Variants in ZRANB3 observed in about 807,000 individuals in gnomAD.
ZRANB3 encodes zinc finger RANBP2-type containing 3.
Under a neutral mutation model 133.8 loss-of-function variants are expected in ZRANB3, and 125 were observed. The observed-to-expected ratio is 0.93, with a 90% confidence interval of 0.81 to 1.08. ZRANB3 has a LOEUF of 1.08. ZRANB3 is among the 50% of genes least tolerant of loss of function. The probability of loss-of-function intolerance (pLI) is 0.00; values close to 1 mark genes in which losing one functional copy is unlikely to be tolerated. For synonymous variants in ZRANB3, 387 were observed against 432.7 expected (o/e 0.89, Z 1.31); for missense variants, 1,229 against 1,275.5 (o/e 0.96, Z 0.56).
At position 135,228,317 on chromosome 2, in the gene ZRANB3, T is replaced by G. The variant is rs573571145; in HGVS notation, c.1955-302A>C. 2.1e-3 allele frequency: 443 copies of G among 206,230 alleles called. 2 individuals carry two copies. The highest frequency in any genetic ancestry group is 8.2e-3 in the African/African-American group (344 of 42,128). 12.8% of individuals were successfully genotyped at this position (206,230 alleles called of 1,614,324 possible). On this transcript the variant is annotated intron_variant, in intron 13 of 20. Coordinates refer to ENST00000264159, the MANE Select transcript of ZRANB3 (RefSeq NM_032143.4). ...AGAGAACACAACTAAGTTTTGTTTT[T>G]TTTTTTTTTTCAGTAAGAAGGTTTT...
chr2:135,326,398 A>G (rs1683825674), intron 6 of ZRANB3, among the ~76,000 whole-genome samples: 1 of 152,168 alleles, frequency 6.6e-6, no homozygotes, highest in African/African-American at 2.4e-5. Context: ...TAATGCAATT[A>G]ATTTTAATTT....
chr2:135,522,321 G>A (rs897570274), intron 1 of ZRANB3, among the ~76,000 whole-genome samples: 1 of 152,104 alleles, frequency 6.6e-6, no homozygotes, highest in East Asian at 1.9e-4. Flanking sequence ...AAATTGGGTG[G>A]AGGCCAACAG....
intron 17 of ZRANB3, among the ~76,000 whole-genome samples, chr2:135,209,442 C>A (rs1158964625): frequency 6.6e-6 from 1 of 152,148 alleles, no homozygotes; most frequent in Non-Finnish European, 1.5e-5. Context: ...TTTGGGTAAA[C>A]TGAGTTTCTT....
chr2:135,329,299 T>A (rs1266734266), intron 6 of ZRANB3, among the ~76,000 whole-genome samples: 1 of 152,290 alleles, frequency 6.6e-6, no homozygotes, highest in Middle Eastern at 3.4e-3. Context: ...TTTTCGAGCA[T>A]CATTTATTAA....
At chr2:135,435,328 C>A in intron 2 of ZRANB3, among the ~76,000 whole-genome samples, 1 of 152,136 alleles carries the variant, frequency 6.6e-6, no homozygotes, top group East Asian at 1.9e-4. Context: ...TGATCTTGTT[C>A]TTTTTTATGG....
chr2:135,340,741 A>C (rs1684611315), intron 6 of ZRANB3, among the ~76,000 whole-genome samples: 1 of 152,080 alleles, frequency 6.6e-6, no homozygotes, highest in African/African-American at 2.4e-5. Context: ...CTGTAATCTC[A>C]GCTACTCGGG....
At chr2:135,228,189 A>G (rs1694835284) in intron 13 of ZRANB3, 174 bp from the exon 14 acceptor site, 2 of 550,258 alleles carry the variant, frequency 3.6e-6, no homozygotes, top group Non-Finnish European at 3.1e-6. Context: ...CTGAAGAGAC[A>G]GCAGGAACAG....
chr2:135,323,298 G>A (rs548920272), intron 6 of ZRANB3, among the ~76,000 whole-genome samples: 1 of 152,272 alleles, frequency 6.6e-6, no homozygotes, highest in African/African-American at 2.4e-5. Context: ...AAATGTAACA[G>A]AATGTTTAGT....
At chr2:135,286,639 G>T (rs1681382608) in intron 8 of ZRANB3, among the ~76,000 whole-genome samples, 2 of 152,056 alleles carry the variant, frequency 1.3e-5, no homozygotes, top group South Asian at 4.1e-4. Flanking sequence ...TCGCACTGTG[G>T]TTTTAATTTG....
chr2:135,515,785 C>T (rs911772323), intron 1 of ZRANB3, among the ~76,000 whole-genome samples: 4 of 152,114 alleles, frequency 2.6e-5, no homozygotes, highest in Non-Finnish European at 4.4e-5. Flanking sequence ...ATTCTATAGA[C>T]GTCTATTAGG....
chr2:135,239,471 T>C (rs1003085507), intron 12 of ZRANB3, among the ~76,000 whole-genome samples: 4 of 151,802 alleles, frequency 2.6e-5, no homozygotes, highest in African/African-American at 9.7e-5. Context: ...TGTTCCCATA[T>C]TTGTAAAATT....
rs111561152 is a variant in ZRANB3 at position 135,413,960 on chromosome 2, T to C, written c.162-23140A>G. On this transcript the variant is annotated intron_variant, in intron 2 of 20. Transcript: ENST00000264159. The stretch of plus-strand genomic sequence containing the variant: ...CTAAAAGAGCTCCTGAAGGAAGCAC[T>C]AAACATGGAAAGGAACGAGTACCAA... Among the ~76,000 whole-genome samples the C allele has an allele frequency of 3.0e-3, 450 of 151,968 alleles. 2 individuals carry two copies. Among genetic ancestry groups the C allele is most frequent in the African/African-American group, 0.01 (419 of 41,450 alleles).
intron 8 of ZRANB3, among the ~76,000 whole-genome samples, chr2:135,306,970 C>T (rs1682738520): frequency 6.6e-6 from 1 of 152,170 alleles, no homozygotes; most frequent in Non-Finnish European, 1.5e-5. Context: ...AAGTAATCCT[C>T]CCACCTCAAC....
intron 1 of ZRANB3, among the ~76,000 whole-genome samples, chr2:135,515,150 T>C (rs927071000): frequency 6.6e-6 from 1 of 152,186 alleles, no homozygotes; most frequent in African/African-American, 2.4e-5. Flanking sequence ...GCTAGCCTCA[T>C]AAAATGAGTT....
intron 8 of ZRANB3, among the ~76,000 whole-genome samples, chr2:135,283,390 C>G (rs1681187924): frequency 6.6e-6 from 1 of 152,102 alleles, no homozygotes; most frequent in Admixed American, 6.6e-5. Flanking sequence ...GCAGGTGGAT[C>G]ACGAGGTCAG....
At chr2:135,520,128 A>G (rs2104841305) in intron 1 of ZRANB3, among the ~76,000 whole-genome samples, 1 of 149,160 alleles carries the variant, frequency 6.7e-6, no homozygotes, top group South Asian at 2.1e-4. Context: ...TCATGCCTGT[A>G]ATCCCAGCAC....
intron 1 of ZRANB3, chr2:135,510,700 C>T (rs1440455701): frequency 2.1e-5 from 17 of 796,912 alleles, no homozygotes; most frequent in Non-Finnish European, 3.4e-5. Context: ...CCTGGCAGCT[C>T]GAGTCTTCTT....
At chr2:135,387,009 AAAAG>A (rs1687015481) in intron 3 of ZRANB3, among the ~76,000 whole-genome samples, 1 of 151,970 alleles carries the variant, frequency 6.6e-6, no homozygotes, top group African/African-American at 2.4e-5. Context: ...AAGGAAAAGA[AAAAG>A]AAAAAGATAA....
rs35114507 is a variant in ZRANB3 at position 135,316,983 on chromosome 2, A to AAAAT, written c.678-1454_678-1453insATTT. Reference sequence around the variant, plus strand: ...CCGTCTCGAGAAAAAAAAAAAAAAAAATATATATATATATATATACTTGCA... The same window carrying AAAAT: ...CCGTCTCGAGAAAAAAAAAAAAAAAAAAATATATATATATATATATATACTTGCA... On this transcript the variant is annotated intron_variant, in intron 6 of 20. Transcript: ENST00000264159. Among the ~76,000 whole-genome samples, 552 of 131,424 alleles carry AAAAT rather than the reference A, an allele frequency of 4.2e-3. 1 individual carries two copies. The highest frequency in any genetic ancestry group is 9.8e-3 in the African/African-American group (306 of 31,076). The allele number at this position is 131,424 out of a possible 152,430, so 86.2% of individuals were successfully genotyped here. A position where few individuals can be genotyped will look rare whatever the true frequency, so the allele number is the denominator to read the frequency against.
Sources: gnomAD v4.1 joint callset for allele counts (sites outside exome capture counted in the v4.1 genomes callset) on GRCh38, gnomAD v4.1.1 for gene constraint, MANE v1.5 for transcripts, NCBI Gene and HGNC (gene_info 2026-07-23, HGNC 2026-07-21) for gene names.